FCSK: variants seen among roughly 807,000 people sequenced by gnomAD.
FCSK encodes the protein L-fucose kinase.
A neutral mutation model predicts 122.5 loss-of-function variants in FCSK; 123 were observed. The ratio of observed to expected loss-of-function variants is 1.00; its 90% confidence interval spans 0.87 to 1.17. The LOEUF is 1.17. Ranked by LOEUF, FCSK falls within the 50% of genes most tolerant of loss-of-function variation. FCSK has a pLI of 0.00. For missense variants in FCSK, 1,366 were observed against 1,450.4 expected (o/e 0.94, Z 0.95); for synonymous variants, 620 against 625.5 (o/e 0.99, Z 0.13).
intron 9 of FCSK, 87 bp downstream of exon 9, chr16:70,469,055 CAG>C (rs1457063957): frequency 1.2e-6 from 2 of 1,603,872 alleles, no homozygotes; most frequent in East Asian, 2.2e-5. Flanking sequence ...CTCTCTGGGG[CAG>C]AGTCTCCGCA....
chr16:70,473,260 C>T lies in FCSK; in HGVS notation c.1684C>T (p.Leu562=). Reference sequence around the variant, plus strand: ...GGCCCTGCATAAGGCGCGGCACGTGCTGGAGGCCCGGCAGGACCTCAGCCT... The same window carrying T: ...GGCCCTGCATAAGGCGCGGCACGTGTTGGAGGCCCGGCAGGACCTCAGCCT... ...RQALHKARHV[L]EARQDLSLRP... is the part of the protein sequence containing the mutation. Residue 562 remains leucine, a synonymous_variant, in exon 15 of 24, where the codon CTG becomes TTG. Coordinates refer to ENST00000288078, the MANE Select transcript of FCSK (RefSeq NM_145059.3). This position sits in a 1 kb window ranked among gnomAD's most constrained non-coding sequence, Gnocchi z 4.9. 6.5e-7 allele frequency: 1 copy of T among 1,531,964 alleles called. No individual in the cohort carries two copies. Among genetic ancestry groups the T allele is most frequent in the South Asian group, 1.2e-5 (1 of 83,760 alleles). 94.9% of individuals were successfully genotyped at this position (1,531,964 alleles called of 1,614,324 possible).
chr16:70,466,051 A>G (rs780996758), intron 4 of FCSK, 81 bp from the exon 5 acceptor site: 2 of 1,459,300 alleles, frequency 1.4e-6, no homozygotes, highest in African/African-American at 1.4e-5. Context: ...CCTCCACTGG[A>G]TGGCTTTCTG....
intron 20 of FCSK, among the ~76,000 whole-genome samples, chr16:70,476,784 G>C (rs949059789): frequency 6.6e-6 from 1 of 152,208 alleles, no homozygotes; most frequent in Non-Finnish European, 1.5e-5. Flanking sequence ...AAAAGGAGCA[G>C]ATGGGGAAGC....
chr16:70,472,568 G>A lies in FCSK; in HGVS notation c.1369G>A (p.Val457Met), dbSNP rs375968247. ...ACAGGGGGCAGGCACATATCTCAAC[G>A]TGCCCTGGAGTGAATTCTTCAAGAG... ...ERQGAGTYLN[V>M]PWSEFFKRTG... The change falls in exon 14 of 24, where the codon GTG (valine) becomes ATG (methionine). Residue 457 changes from valine (V) to methionine (M), a missense_variant. By Grantham distance (21) the Val-to-Met change is conservative. Coordinates refer to ENST00000288078, the MANE Select transcript of FCSK (RefSeq NM_145059.3). 3.3e-5 allele frequency: 53 copies of A among 1,612,916 alleles called. No individual in the cohort carries two copies. Among genetic ancestry groups the A allele is most frequent in the Admixed American group, 8.4e-5 (5 of 59,878 alleles).
rs1303026164 is a variant in FCSK at position 70,473,296 on chromosome 16, A to C, written c.1720A>C (p.Ile574Leu). The C allele has an allele frequency of 3.9e-6, 6 of 1,527,972 alleles. No individual in the cohort carries two copies. In the Admixed American group the frequency reaches 1.2e-4, roughly 30 times the overall value. The allele number at this position is 1,527,972 out of a possible 1,614,324, so 94.7% of individuals were successfully genotyped here. A position where few individuals can be genotyped will look rare whatever the true frequency, so the allele number is the denominator to read the frequency against. The change falls in exon 15 of 24, where the codon ATC becomes CTC. Residue 574 changes from isoleucine to leucine, a missense_variant. Physicochemically the swap from Ile to Leu is conservative, Grantham distance 5. Coordinates refer to ENST00000288078, the MANE Select transcript of FCSK (RefSeq NM_145059.3). The surrounding 1 kb of genome is among the most constrained non-coding windows in gnomAD (Gnocchi z 4.9). The part of the protein sequence containing the change: ...ARQDLSLRPL[I>L]WAAVREGCPG... ...GCAGGACCTCAGCCTGCGCCCGCTG[A>C]TCTGGGCTGCTGTCCGCGAGGGCTG...
intron 13 of FCSK, among the ~76,000 whole-genome samples, chr16:70,472,246 C>A (rs968619034): frequency 6.6e-6 from 1 of 152,084 alleles, no homozygotes; most frequent in Non-Finnish European, 1.5e-5. Flanking sequence ...GGCACCTTGG[C>A]GGGAGTGTTG....
At position 70,479,624 on chromosome 16, in the gene FCSK, G is replaced by T; in HGVS notation, c.3199G>T (p.Gly1067Cys). 6.2e-7 allele frequency: 1 copy of T among 1,614,092 alleles called. No individual in the cohort carries two copies. Among genetic ancestry groups the T allele is most frequent in the South Asian group, 1.1e-5 (1 of 91,076 alleles). The change falls in exon 24 of 24, where the codon GGC becomes TGC. Residue 1067 changes from glycine to cysteine, a missense_variant. Physicochemically the swap from Gly to Cys is radical, Grantham distance 159. Transcript: ENST00000288078. ...CCACCTGGTTGAAGTGGACACTCAGGGCCTGAGCCTGAAGCTGCTGGGGAC... is the reference window on the plus strand; with the variant it reads ...CCACCTGGTTGAAGTGGACACTCAGTGCCTGAGCCTGAAGCTGCTGGGGAC... ...SIHLVEVDTQ[G>C]LSLKLLGTEA...
chr16:70,466,816 G>T (rs1419722172), intron 5 of FCSK, 66 bp from the exon 6 acceptor site: 2 of 1,432,134 alleles, frequency 1.4e-6, no homozygotes, highest in Non-Finnish European at 1.9e-6. Context: ...GTATCCTTGG[G>T]CAAGGAGGGG....
intron 1 of FCSK, among the ~76,000 whole-genome samples, chr16:70,457,109 C>T (rs1033623718): frequency 7.2e-5 from 11 of 152,024 alleles, no homozygotes; most frequent in Admixed American, 3.3e-4. Flanking sequence ...GGGACTGATA[C>T]GCAACCCAGG....
Position 70,469,215 on chromosome 16 carries a change from GT to G in FCSK, c.848del (p.Val283GlyfsTer14). ...AENVTREDFL[V>X]GRPPELGQGD... ...GAACGTGACCAGGGAGGACTTCCTG[GT>G]GGGGAGGCCCCCAGAGTTGGGGCAA... is the stretch of plus-strand genomic sequence containing the variant. On this transcript the variant is annotated frameshift_variant, in exon 10 of 24. Transcript: ENST00000288078. LOFTEE classifies it high-confidence loss of function. The G allele has an allele frequency of 6.2e-7, 1 of 1,614,134 alleles. No individual in the cohort carries two copies. The highest frequency in any genetic ancestry group is 2.2e-5 in the East Asian group (1 of 44,884).
chr16:70,467,728 G>A, intron 7 of FCSK, 158 bp from the exon 8 acceptor site: 1 of 672,270 alleles, frequency 1.5e-6, no homozygotes, highest in Non-Finnish European at 2.6e-6. Flanking sequence ...TGCCATCATG[G>A]AGTAGAAATC....
intron 11 of FCSK, 26 bp downstream of exon 11, chr16:70,470,452 C>A: frequency 1.4e-6 from 2 of 1,432,268 alleles, no homozygotes; most frequent in Non-Finnish European, 2.0e-6. Flanking sequence ...CCCTCCGGTG[C>A]CTGCTGGTTG....
At chr16:70,477,926 GC>G (rs2048866490) in intron 20 of FCSK, 1 of 223,428 alleles carries the variant, frequency 4.5e-6, no homozygotes, top group African/African-American at 2.3e-5. Context: ...CAAATGATCT[GC>G]CCGCCTTAGC....
intron 11 of FCSK, 126 bp downstream of exon 11, chr16:70,470,552 A>G (rs2048580622): frequency 1.5e-6 from 1 of 657,576 alleles, no homozygotes; most frequent in Non-Finnish European, 2.6e-6. Context: ...CCTGGTTTAC[A>G]CATGAAGTGC....
In FCSK at chr16:70,466,989, G is replaced by A. The variant is rs373227415; in HGVS notation, c.484+35G>A. On this transcript the variant is annotated intron_variant, in intron 6 of 23. Coordinates refer to ENST00000288078, the MANE Select transcript of FCSK (RefSeq NM_145059.3). Reference sequence around the variant, plus strand: ...AGACTACCTGGGACTGCCTTCCTTCGTCACAGCCACAGCAAGAAGCCAGCT... The same window carrying A: ...AGACTACCTGGGACTGCCTTCCTTCATCACAGCCACAGCAAGAAGCCAGCT... 2.1e-5 allele frequency: 34 copies of A among 1,594,868 alleles called. No individual in the cohort carries two copies. The East Asian group carries it at 4.7e-4, about 22-fold the overall frequency.
At position 70,474,965 on chromosome 16, in the gene FCSK, C is replaced by T. The variant is rs2048756226; in HGVS notation, c.2331C>T (p.Cys777=). 4 of 1,610,468 alleles carry T rather than the reference C, an allele frequency of 2.5e-6. No homozygotes were observed. The highest frequency in any genetic ancestry group is 1.7e-4 in the Middle Eastern group (1 of 5,958). The change falls in exon 18 of 24, where the codon TGC becomes TGT. Residue 777 remains cysteine, a synonymous_variant. Transcript: ENST00000288078. ...RQDEMTVKIV[C]RCLADLRDYC... is the part of the protein sequence containing the mutation. ...ATGAGATGACTGTGAAGATAGTGTG[C>T]CGGTGCCTGGCTGACCTGCGGGACT...
At chr16:70,467,769 C>A in intron 7 of FCSK, 117 bp from the exon 8 acceptor site, 1 of 842,796 alleles carries the variant, frequency 1.2e-6, no homozygotes, top group Non-Finnish European at 2.0e-6. Context: ...CCAGCAACTG[C>A]CAGCCTTGCG....
intron 20 of FCSK, 70 bp downstream of exon 20, chr16:70,475,837 T>A (rs1349330213): frequency 4.2e-6 from 6 of 1,434,706 alleles, no homozygotes; most frequent in East Asian, 2.5e-5. Flanking sequence ...GGAGTGGGGC[T>A]CCCCTGGATT....
chr16:70,455,420 G>A (rs949431341), intron 1 of FCSK, among the ~76,000 whole-genome samples: 1 of 152,084 alleles, frequency 6.6e-6, no homozygotes, highest in East Asian at 1.9e-4. Flanking sequence ...AGGAGATGGA[G>A]GTTGCAGTGA....
Sources: allele counts gnomAD v4.1 joint callset (sites outside exome capture counted in the v4.1 genomes callset), GRCh38; gene constraint gnomAD v4.1.1; non-coding constraint Gnocchi (gnomAD v3.1); transcripts MANE v1.5; gene names NCBI Gene and HGNC (gene_info 2026-07-23, HGNC 2026-07-21).